Variants in HGF observed in about 807,000 individuals in gnomAD.
The protein encoded by HGF is fibroblast-derived tumor cytotoxic factor.
HGF carries 39 observed loss-of-function variants against 111.6 expected under a neutral mutation model. The ratio of observed to expected loss-of-function variants is 0.35; its 90% CI spans 0.27 to 0.46. The LOEUF (loss-of-function observed/expected upper bound fraction) is 0.46, where lower values mean the gene tolerates loss of function less well. HGF is among the 20% of genes least tolerant of loss of function. The pLI, the probability that HGF is intolerant of heterozygous loss-of-function variation, is 1.00. For synonymous variants in HGF, 285 were observed against 294.8 expected, an observed-to-expected ratio of 0.97 and a Z score of 0.34; for missense variants, 735 against 910.5, an observed-to-expected ratio of 0.81 and a Z score of 2.48.
At chr7:81,750,642 C>T (rs891217797) in intron 5 of HGF, among the ~76,000 whole-genome samples, 8 of 151,994 alleles carry the variant, frequency 5.3e-5, no homozygotes, top group East Asian at 1.9e-4. Flanking sequence ...CTTATAAACC[C>T]GTAGTGGAAA....
intron 2 of HGF, among the ~76,000 whole-genome samples, chr7:81,761,944 C>T (rs767548787): frequency 2.6e-4 from 39 of 152,114 alleles, no homozygotes; most frequent in Non-Finnish European, 4.7e-4. Flanking sequence ...CTATGAGAAT[C>T]TAATGTGGCA....
At chr7:81,762,908 TGGAGA>T in intron 1 of HGF, 36 bp from the exon 2 acceptor site, 3 of 1,241,004 alleles carry the variant, frequency 2.4e-6, no homozygotes, top group Non-Finnish European at 3.5e-6. Flanking sequence ...AAATAAACAT[TGGAGA>T]AATGTTTTTA....
rs185058364 is a variant in HGF at position 81,706,645 on chromosome 7, G to A, written c.1617-218C>T. ...GCTTTAAATTGCTGAGATTCTAAAT[G>A]ACTATTTTAGAAACTTGCTTATGCT... On this transcript the variant is annotated intron_variant, in intron 14 of 17. Transcript: ENST00000222390. 3.7e-4 allele frequency among the ~76,000 whole-genome samples: 56 copies of A among 152,060 alleles called. No individual in the cohort carries two copies. In the East Asian group the frequency reaches 7.0e-3, roughly 19 times the overall value.
At chr7:81,730,628 A>G (rs1480235642) in intron 7 of HGF, among the ~76,000 whole-genome samples, 1 of 59,638 alleles carries the variant, frequency 1.7e-5, no homozygotes, top group Non-Finnish European at 3.6e-5. Flanking sequence ...TGAAACCCTC[A>G]GTCACTAAGT....
chr7:81,758,008 T>C (rs1788869292), intron 3 of HGF, among the ~76,000 whole-genome samples: 1 of 152,060 alleles, frequency 6.6e-6, no homozygotes, highest in Admixed American at 6.6e-5. Flanking sequence ...ACATTTACCC[T>C]ATTAACTTGA....
intron 5 of HGF, chr7:81,751,174 T>C (rs976654871): frequency 2.2e-6 from 2 of 906,324 alleles, no homozygotes. Flanking sequence ...AATATTTGGT[T>C]AATAACAAAC....
intron 4 of HGF, among the ~76,000 whole-genome samples, chr7:81,753,886 T>C (rs981177220): frequency 5.3e-5 from 8 of 152,108 alleles, no homozygotes; most frequent in Admixed American, 5.2e-4. Context: ...TTCCTAACAG[T>C]AAACTTTTTT....
At chr7:81,727,674 T>C (rs1358893165) in intron 8 of HGF, among the ~76,000 whole-genome samples, 1 of 152,174 alleles carries the variant, frequency 6.6e-6, no homozygotes, top group African/African-American at 2.4e-5. Flanking sequence ...TTGGTAGAGA[T>C]GGAGTCACCC....
chr7:81,729,519 TA>T, intron 8 of HGF, 85 bp downstream of exon 8: 1 of 1,020,822 alleles, frequency 9.8e-7, no homozygotes, highest in Non-Finnish European at 1.5e-6. Flanking sequence ...GTTTGATCAC[TA>T]ACACAAAATT....
chr7:81,712,488 G>A (rs986109867), intron 11 of HGF, among the ~76,000 whole-genome samples: 1 of 152,140 alleles, frequency 6.6e-6, no homozygotes, highest in African/African-American at 2.4e-5. Context: ...ATGGAAAAAA[G>A]AGAACACTGA....
chr7:81,717,107 T>C, intron 11 of HGF, 125 bp downstream of exon 11: 1 of 848,024 alleles, frequency 1.2e-6, no homozygotes, highest in South Asian at 1.4e-5. Context: ...TTTGTGTGTG[T>C]TGCTCTCTGG....
rs1789262336 is a variant in HGF, at chr7:81,700,906, T to A, written c.*1675A>T. 6.6e-6 allele frequency: 1 copy of A among 151,616 alleles called. No homozygotes were observed. Among genetic ancestry groups the A allele is most frequent in the South Asian group, 2.1e-4 (1 of 4,834 alleles). 9.4% of individuals were successfully genotyped at this position (151,616 alleles called of 1,614,324 possible). A position where few individuals can be genotyped will look rare whatever the true frequency, so the allele number is the denominator to read the frequency against. ...TTTTAGTCCAGATTGAACAGTACTC[T>A]AAAGAGCTGGTAGGGAATTGTTTGG... On this transcript the variant is annotated 3_prime_UTR_variant, in exon 18 of 18. Coordinates refer to ENST00000222390, the MANE Select transcript of HGF (RefSeq NM_000601.6).
At chr7:81,717,079 G>C (rs760629815) in intron 11 of HGF, among the ~76,000 whole-genome samples, 153 bp downstream of exon 11, 3 of 152,142 alleles carry the variant, frequency 2.0e-5, no homozygotes, top group Non-Finnish European at 4.4e-5. Context: ...TGGTGTGTCT[G>C]TGTGTGTGTT....
chr7:81,751,094 G>A (rs1788477125), intron 5 of HGF: 7 of 969,664 alleles, frequency 7.2e-6, no homozygotes, highest in Non-Finnish European at 8.6e-6. Flanking sequence ...GCTAACAGTA[G>A]CCTTTACTTT....
intron 1 of HGF, among the ~76,000 whole-genome samples, chr7:81,766,172 C>T (rs1451215573): frequency 2.0e-5 from 3 of 152,062 alleles, no homozygotes; most frequent in Admixed American, 1.3e-4. Flanking sequence ...CCTCTGGTCC[C>T]GGCACCTCAC....
chr7:81,710,399 G>GC (rs1789543003), intron 12 of HGF, among the ~76,000 whole-genome samples, 156 bp from the exon 13 acceptor site: 1 of 152,140 alleles, frequency 6.6e-6, no homozygotes, highest in African/African-American at 2.4e-5. Flanking sequence ...TATGACCGCA[G>GC]CATTATATTA....
intron 10 of HGF, among the ~76,000 whole-genome samples, chr7:81,718,962 A>C (rs1205923404): frequency 1.3e-5 from 2 of 152,164 alleles, no homozygotes; most frequent in Non-Finnish European, 2.9e-5. Flanking sequence ...TTCTTACTTA[A>C]AATTATTTAA....
intron 13 of HGF, among the ~76,000 whole-genome samples, chr7:81,707,639 C>T (rs891352056): frequency 1.3e-5 from 2 of 151,992 alleles, no homozygotes; most frequent in African/African-American, 4.8e-5. Context: ...ATAGCCATCC[C>T]GAACACACAT....
intron 7 of HGF, chr7:81,742,835 C>G (rs992919998): frequency 9.5e-6 from 15 of 1,576,784 alleles, no homozygotes; most frequent in Non-Finnish European, 1.3e-5. Context: ...TAGGGATCAG[C>G]TATAAAGATT....
Sources: allele counts gnomAD v4.1 joint callset (sites outside exome capture counted in the v4.1 genomes callset), GRCh38; gene constraint gnomAD v4.1.1; transcripts MANE v1.5; gene names NCBI Gene and HGNC (gene_info 2026-07-23, HGNC 2026-07-21).